Variants in PEX5L observed in about 807,000 individuals in gnomAD.
PEX5L encodes PEX5-related protein.
A neutral mutation model predicts 84.0 loss-of-function variants in PEX5L; 30 were observed. That is an observed-to-expected ratio of 0.36 (90% CI 0.27 to 0.48). The LOEUF (loss-of-function observed/expected upper bound fraction) is 0.48, where lower values mean the gene tolerates loss of function less well. Among genes scored for constraint, PEX5L ranks in the 20% least tolerant of loss-of-function variants. PEX5L has a pLI of 0.99. For missense variants in PEX5L, 533 were observed against 754.6 expected (o/e 0.71, Z 3.44); for synonymous variants, 270 against 283.1 (o/e 0.95, Z 0.46).
rs1577037781 is a variant in PEX5L, at chr3:179,797,891, C to T, written c.*3937G>A. On this transcript the variant is annotated 3_prime_UTR_variant, in exon 15 of 15. Transcript: ENST00000467460. ...TATAAAACAACAACCACCACTGCTA[C>T]AACAACTAGCTTAAAGTACAGTCCA... The T allele has an allele frequency of 6.6e-6, 1 of 152,108 alleles. No individual in the cohort carries two copies. Among genetic ancestry groups the T allele is most frequent in the African/African-American group, 2.4e-5 (1 of 41,410 alleles). 9.4% of individuals were successfully genotyped at this position (152,108 alleles called of 1,614,324 possible). A position where few individuals can be genotyped will look rare whatever the true frequency, so the allele number is the denominator to read the frequency against.
intron 2 of PEX5L, among the ~76,000 whole-genome samples, chr3:179,925,418 A>C (rs1330170381): frequency 6.6e-6 from 1 of 152,124 alleles, no homozygotes; most frequent in African/African-American, 2.4e-5. Flanking sequence ...GATACTACAC[A>C]TATTTTTATC....
chr3:179,973,438 ATTTC>A, intron 1 of PEX5L: 1 of 1,120,246 alleles, frequency 8.9e-7, no homozygotes, highest in Non-Finnish European at 1.1e-6. Flanking sequence ...TGAAATGAAA[ATTTC>A]TTTTTCTAAC....
At chr3:179,929,810 C>T (rs1318222000) in intron 2 of PEX5L, among the ~76,000 whole-genome samples, 1 of 152,198 alleles carries the variant, frequency 6.6e-6, no homozygotes, top group African/African-American at 2.4e-5. Flanking sequence ...ACTCTGTCCC[C>T]ACCCACGTTT....
In PEX5L at chr3:179,800,055, A is replaced by G. The variant is rs1341794429; in HGVS notation, c.*1773T>C. On this transcript the variant is annotated 3_prime_UTR_variant, in exon 15 of 15. Transcript: ENST00000467460. ...TTGTCTTTATAAACTAGAATAGGTT[A>G]TAACATATGTAAGCCTCAAGGACTT... The G allele has an allele frequency of 6.6e-6, 1 of 152,238 alleles. No individual in the cohort carries two copies. Among genetic ancestry groups the G allele is most frequent in the Non-Finnish European group, 1.5e-5 (1 of 68,038 alleles). The allele number at this position is 152,238 out of a possible 1,614,324, so 9.4% of individuals were successfully genotyped here. A position where few individuals can be genotyped will look rare whatever the true frequency, so the allele number is the denominator to read the frequency against.
rs1200949481 is a variant in PEX5L at position 179,800,721 on chromosome 3, GATT to G, written c.*1104_*1106del. The G allele has an allele frequency of 9.2e-5, 14 of 152,148 alleles. No individual in the cohort carries two copies. Among genetic ancestry groups the G allele is most frequent in the Non-Finnish European group, 1.9e-4 (13 of 68,028 alleles). 9.4% of individuals were successfully genotyped at this position (152,148 alleles called of 1,614,324 possible). A position where few individuals can be genotyped will look rare whatever the true frequency, so the allele number is the denominator to read the frequency against. ...AGAATGCAAGGGGATGAACAGTGCAGATTATTATGAAACTAAGAAAACATAATT... is the reference window on the plus strand; with the variant it reads ...AGAATGCAAGGGGATGAACAGTGCAGATTATGAAACTAAGAAAACATAATT... On this transcript the variant is annotated 3_prime_UTR_variant, in exon 15 of 15. Coordinates refer to ENST00000467460, the MANE Select transcript of PEX5L (RefSeq NM_016559.3).
intron 2 of PEX5L, among the ~76,000 whole-genome samples, chr3:179,907,403 C>G (rs1182943540): frequency 6.6e-6 from 1 of 152,000 alleles, no homozygotes; most frequent in Non-Finnish European, 1.5e-5. Flanking sequence ...AACTTGAGCT[C>G]TTGTACTCAA....
chr3:179,926,077 T>G (rs1771358268), intron 2 of PEX5L, among the ~76,000 whole-genome samples: 1 of 152,192 alleles, frequency 6.6e-6, no homozygotes, highest in Admixed American at 6.5e-5. Flanking sequence ...TCAAAAAGCC[T>G]GGCAATTATC....
At chr3:179,999,006 C>T (rs1414349805) in intron 1 of PEX5L, among the ~76,000 whole-genome samples, 2 of 152,202 alleles carry the variant, frequency 1.3e-5, no homozygotes, top group African/African-American at 4.8e-5. Context: ...TGAAAGACAG[C>T]AGTGAAAGGA....
chr3:180,020,874 T>G (rs1433367745), intron 1 of PEX5L, among the ~76,000 whole-genome samples: 1 of 152,232 alleles, frequency 6.6e-6, no homozygotes, highest in African/African-American at 2.4e-5. Context: ...TAATTAAGGC[T>G]AATTAAAAGA....
At chr3:179,966,025 A>G (rs912265468) in intron 2 of PEX5L, among the ~76,000 whole-genome samples, 1 of 152,188 alleles carries the variant, frequency 6.6e-6, no homozygotes, top group South Asian at 2.1e-4. Context: ...GTTTACTCCA[A>G]TGCTGATTTC....
chr3:180,029,348 T>C (rs1043205955), intron 1 of PEX5L, among the ~76,000 whole-genome samples: 1 of 152,180 alleles, frequency 6.6e-6, no homozygotes, highest in Non-Finnish European at 1.5e-5. Flanking sequence ...AACAAACGAA[T>C]TGTTTTGAGA....
In PEX5L at chr3:180,018,675, C is replaced by T. The variant is rs558226627; in HGVS notation, c.21+17904G>A. Among the ~76,000 whole-genome samples, 4 of 152,240 alleles carry T rather than the reference C, an allele frequency of 2.6e-5. No homozygotes were observed. In the South Asian group the frequency reaches 8.3e-4, roughly 32 times the overall value. ...GTTCATTCTAATAGGAGAGTGGGTG[C>T]TGCTCTGAAATGAAAAATGACACAC... On this transcript the variant is annotated intron_variant, in intron 1 of 14. Transcript: ENST00000467460.
intron 9 of PEX5L, among the ~76,000 whole-genome samples, chr3:179,817,570 G>A (rs900443509): frequency 2.0e-5 from 3 of 152,214 alleles, no homozygotes; most frequent in African/African-American, 7.2e-5. Flanking sequence ...CCCTTGAAAT[G>A]TGTAGCTAAA....
At chr3:179,909,999 G>A (rs1474257429) in intron 2 of PEX5L, among the ~76,000 whole-genome samples, 1 of 152,174 alleles carries the variant, frequency 6.6e-6, no homozygotes, top group African/African-American at 2.4e-5. Flanking sequence ...AAACTAAACA[G>A]TAATAGAACA....
intron 3 of PEX5L, among the ~76,000 whole-genome samples, chr3:179,897,604 C>T (rs546542866): frequency 6.6e-6 from 1 of 152,178 alleles, no homozygotes; most frequent in South Asian, 2.1e-4. Flanking sequence ...CCATTTTCTG[C>T]ATGGGGACTC....
intron 1 of PEX5L, among the ~76,000 whole-genome samples, chr3:179,993,641 A>G (rs1231109079): frequency 6.6e-6 from 1 of 152,128 alleles, no homozygotes; most frequent in East Asian, 1.9e-4. Context: ...CTGGGATTAC[A>G]GGCACACACC....
intron 7 of PEX5L, among the ~76,000 whole-genome samples, chr3:179,866,411 C>T (rs1347585705): frequency 1.3e-5 from 2 of 152,180 alleles, no homozygotes; most frequent in African/African-American, 2.4e-5. Flanking sequence ...CCATTTACTA[C>T]CACCTGGTGA....
chr3:180,011,755 T>C (rs1052542613), intron 1 of PEX5L, among the ~76,000 whole-genome samples: 2 of 152,206 alleles, frequency 1.3e-5, no homozygotes, highest in Admixed American at 1.3e-4. Flanking sequence ...ACTCCCTCTT[T>C]CATCCCTTCC....
rs116041534 is a variant in PEX5L, at chr3:179,917,522, C to T, written c.94-19276G>A. ...AGTAATTTGTCTTCACCGGCATCAC[C>T]ACAGACAAGGGAGTAATGCATTGAG... is the stretch of plus-strand genomic sequence containing the variant. On this transcript the variant is annotated intron_variant, in intron 2 of 14. Transcript: ENST00000467460. 3.0e-3 allele frequency among the ~76,000 whole-genome samples: 463 copies of T among 152,284 alleles called. 2 individuals carry two copies. Among genetic ancestry groups the T allele is most frequent in the African/African-American group, 0.011 (450 of 41,538 alleles).
Sources: allele counts gnomAD v4.1 joint callset (sites outside exome capture counted in the v4.1 genomes callset), GRCh38; gene constraint gnomAD v4.1.1; transcripts MANE v1.5; gene names NCBI Gene and HGNC (gene_info 2026-07-23, HGNC 2026-07-21).